NREP: variants seen among roughly 807,000 people sequenced by gnomAD.
NREP encodes the protein neuronal regeneration-related protein.
A neutral mutation model predicts 8.6 loss-of-function variants in NREP; 5 were observed. The observed-to-expected ratio is 0.58, with a 90% CI of 0.30 to 1.22. The LOEUF (loss-of-function observed/expected upper bound fraction) is 1.22, where lower values mean the gene tolerates loss of function less well. NREP is among the 50% of genes most tolerant of loss of function. The probability of loss-of-function intolerance (pLI) is 0.07; values close to 1 mark genes in which losing one functional copy is unlikely to be tolerated. For missense variants in NREP, 86 were observed against 82.5 expected, an observed-to-expected ratio of 1.04 and a Z score of -0.17; for synonymous variants, 27 against 28.0, an observed-to-expected ratio of 0.96 and a Z score of 0.11.
intron 2 of NREP, among the ~76,000 whole-genome samples, chr5:111,819,757 A>T (rs971146882): frequency 5.3e-5 from 8 of 152,232 alleles, no homozygotes; most frequent in Middle Eastern, 3.2e-3. Flanking sequence ...TACAAGCAAT[A>T]GCATTATATC....
Position 111,729,507 on chromosome 5 carries a change from A to T in NREP, c.*1414T>A, listed in dbSNP as rs1748360334. 6.6e-6 allele frequency: 1 copy of T among 152,658 alleles called. No homozygotes were observed. Among genetic ancestry groups the T allele is most frequent in the Admixed American group, 6.5e-5 (1 of 15,280 alleles). 9.5% of individuals were successfully genotyped at this position (152,658 alleles called of 1,614,324 possible). A position where few individuals can be genotyped will look rare whatever the true frequency, so the allele number is the denominator to read the frequency against. On this transcript the variant is annotated 3_prime_UTR_variant, in exon 4 of 4. Transcript: ENST00000257435. ...TTTACACAGCTGATATACCTATTCTAACGAAGGAGGGAGAGGAGTAATGCA... is the reference window on the plus strand; with the variant it reads ...TTTACACAGCTGATATACCTATTCTTACGAAGGAGGGAGAGGAGTAATGCA...
intron 2 of NREP, among the ~76,000 whole-genome samples, chr5:111,905,268 T>C (rs1362337419): frequency 6.6e-6 from 1 of 152,136 alleles, no homozygotes; most frequent in Non-Finnish European, 1.5e-5. Flanking sequence ...GGTAAGACTG[T>C]GTTTAACATT....
chr5:111,776,348 A>G (rs1488841551), intron 2 of NREP, among the ~76,000 whole-genome samples: 11 of 152,186 alleles, frequency 7.2e-5, no homozygotes. Context: ...TACTAATGTA[A>G]TGCTATGCAG....
intron 2 of NREP, among the ~76,000 whole-genome samples, chr5:111,945,865 C>T (rs1346199073): frequency 6.6e-6 from 1 of 151,968 alleles, no homozygotes; most frequent in Non-Finnish European, 1.5e-5. Context: ...ATTTAGACAG[C>T]ATCAGCAAGT....
At chr5:111,789,190 T>G (rs553544908) in intron 2 of NREP, among the ~76,000 whole-genome samples, 1 of 152,350 alleles carries the variant, frequency 6.6e-6, no homozygotes, top group South Asian at 2.1e-4. Context: ...TATGCATGTG[T>G]GTGTGTGTAA....
intron 2 of NREP, among the ~76,000 whole-genome samples, chr5:111,883,671 A>G (rs1204162554): frequency 6.6e-6 from 1 of 152,218 alleles, no homozygotes; most frequent in Non-Finnish European, 1.5e-5. Flanking sequence ...TAAGACACTC[A>G]CTCAAAACCG....
intron 2 of NREP, among the ~76,000 whole-genome samples, chr5:111,832,167 A>C (rs1752784670): frequency 6.6e-6 from 1 of 151,974 alleles, no homozygotes; most frequent in South Asian, 2.1e-4. Context: ...GGGAAGGAAA[A>C]CCTTAGACCT....
intron 2 of NREP, among the ~76,000 whole-genome samples, chr5:111,875,686 A>C (rs1304086710): frequency 6.6e-6 from 1 of 152,216 alleles, no homozygotes; most frequent in African/African-American, 2.4e-5. Context: ...CATTCTGCCT[A>C]ACTCTCATTA....
chr5:111,759,528 A>T (rs1417219017), upstream of NREP, among the ~76,000 whole-genome samples: 2 of 151,858 alleles, frequency 1.3e-5, no homozygotes, highest in Non-Finnish European at 2.9e-5. Flanking sequence ...TGCTGGGATT[A>T]CAGGCACAAG....
chr5:111,942,734 C>T (rs888826071), intron 2 of NREP, among the ~76,000 whole-genome samples: 1 of 151,934 alleles, frequency 6.6e-6, no homozygotes, highest in Non-Finnish European at 1.5e-5. Context: ...ACTGTCATCA[C>T]CCATATAATT....
intron 2 of NREP, among the ~76,000 whole-genome samples, chr5:111,736,061 T>A (rs1446236648): frequency 6.6e-6 from 1 of 152,134 alleles, no homozygotes; most frequent in African/African-American, 2.4e-5. Context: ...CCATGAATGA[T>A]TCAGAGAATA....
chr5:111,738,372 G>A (rs1749343208), intron 2 of NREP: 1 of 152,176 alleles, frequency 6.6e-6, no homozygotes, highest in Admixed American at 6.5e-5. Context: ...GTGGAGAATG[G>A]GTGATCCCAA....
chr5:111,769,196 C>T (rs780019708), intron 2 of NREP, among the ~76,000 whole-genome samples: 6 of 152,136 alleles, frequency 3.9e-5, no homozygotes, highest in Non-Finnish European at 7.4e-5. Context: ...TGTGGTTACT[C>T]CCCACAGCAC....
At chr5:111,844,112 G>T (rs138213989) in intron 2 of NREP, among the ~76,000 whole-genome samples, 1 of 152,206 alleles carries the variant, frequency 6.6e-6, no homozygotes, top group East Asian at 1.9e-4. Flanking sequence ...TCAGTATACA[G>T]ATTTACATAT....
intron 2 of NREP, among the ~76,000 whole-genome samples, chr5:111,956,215 T>C (rs1756313868): frequency 6.6e-6 from 1 of 151,860 alleles, no homozygotes; most frequent in East Asian, 1.9e-4. Flanking sequence ...TTCAGGAAAA[T>C]GGGCTCACAG....
At chr5:111,777,408 C>G (rs1174864667) in intron 2 of NREP, among the ~76,000 whole-genome samples, 1 of 151,544 alleles carries the variant, frequency 6.6e-6, no homozygotes, top group Non-Finnish European at 1.5e-5. Context: ...GAGAATCTAA[C>G]AGTAGTTGTC....
chr5:111,758,980 C>CA (rs769122981), upstream of NREP, among the ~76,000 whole-genome samples: 72 of 152,216 alleles, frequency 4.7e-4, no homozygotes, highest in Non-Finnish European at 8.4e-4. Flanking sequence ...AATTTTCCTG[C>CA]AAAAATAAGA....
chr5:111,901,165 T>G (rs1754637893), intron 2 of NREP, among the ~76,000 whole-genome samples: 1 of 152,172 alleles, frequency 6.6e-6, no homozygotes. Flanking sequence ...GTTTTGTCCT[T>G]CATTCTACTG....
At chr5:111,811,713 T>G (rs1752272804) in intron 2 of NREP, among the ~76,000 whole-genome samples, 2 of 152,214 alleles carry the variant, frequency 1.3e-5, no homozygotes, top group South Asian at 4.1e-4. Context: ...TGTTCAGAAC[T>G]AATGTTAAAC....
Sources: gnomAD v4.1 joint callset for allele counts (sites outside exome capture counted in the v4.1 genomes callset) on GRCh38, gnomAD v4.1.1 for gene constraint, MANE v1.5 for transcripts, NCBI Gene and HGNC (gene_info 2026-07-23, HGNC 2026-07-21) for gene names.